The following MED14 variants were observed in gnomAD, a reference collection of about 807,000 sequenced individuals.
MED14 encodes mediator of RNA polymerase II transcription subunit 14.
Under a neutral mutation model 109.0 loss-of-function variants are expected in MED14, and 8 were observed. That is an observed-to-expected ratio of 0.07 (90% confidence interval 0.04 to 0.13). MED14 has a LOEUF of 0.13. Ranked by LOEUF, MED14 falls within the 10% of genes least tolerant of loss-of-function variation. MED14 has a pLI of 1.00. For missense variants in MED14, 711 were observed against 1,142.4 expected, an observed-to-expected ratio of 0.62 and a Z score of 5.44; for synonymous variants, 399 against 408.7, an observed-to-expected ratio of 0.98 and a Z score of 0.29.
intron 15 of MED14, 67 bp from the exon 16 acceptor site, chrX:40,688,597 T>G: frequency 1.4e-6 from 1 of 735,552 alleles, no homozygotes; most frequent in Non-Finnish European, 2.1e-6. Flanking sequence ...TTCTAAGTAC[T>G]ACGGTCTCTA....
chrX:40,707,112 GATAGATA>G (rs1464278918), intron 10 of MED14, among the ~76,000 whole-genome samples: 21 of 79,638 alleles, frequency 2.6e-4, no homozygotes, highest in African/African-American at 1.3e-3. Context: ...TAGATGGATA[GATAGATA>G]GATAGATAGA....
intron 13 of MED14, among the ~76,000 whole-genome samples, chrX:40,695,076 G>A (rs1009799599): frequency 9.0e-6 from 1 of 111,631 alleles, no homozygotes; most frequent in African/African-American, 3.3e-5. Flanking sequence ...GAATGTCAAA[G>A]GTATTATGCT....
Position 40,703,418 on chromosome X carries a change from AATGATT to A in MED14, c.1411+20_1411+25del, listed in dbSNP as rs751807873. Reference sequence around the variant, plus strand: ...GTTAAAAATAATTTTTCTTACATTGAATGATTATATCATTTAGTAACTTACCAAGTC... The same window carrying A: ...GTTAAAAATAATTTTTCTTACATTGAATATCATTTAGTAACTTACCAAGTC... On this transcript the variant is annotated intron_variant, in intron 11 of 30. Transcript: ENST00000324817. 1.8e-6 allele frequency: 2 copies of A among 1,125,118 alleles called. No individual in the cohort carries two copies. Among genetic ancestry groups the A allele is most frequent in the Middle Eastern group, 2.4e-4 (1 of 4,110 alleles). 92.7% of individuals were successfully genotyped at this position (1,125,118 alleles called of 1,213,427 possible).
chrX:40,692,227 C>T lies in MED14; in HGVS notation c.1936G>A (p.Ala646Thr), dbSNP rs370959646. ...AATGGCATATTTGTATCACACATAG[C>T]GACGAAGTGGGCTAAAACTTTATTG... ...AFNKVLAHFV[A>T]MCDTNMPFVG... The change falls in exon 15 of 31, where the codon GCT becomes ACT. Residue 646 changes from alanine (A) to threonine (T), a missense_variant. Physicochemically the swap from Ala to Thr is moderately conservative, Grantham distance 58 (BLOSUM62 0). Coordinates refer to ENST00000324817, the MANE Select transcript of MED14 (RefSeq NM_004229.4). The T allele has an allele frequency of 1.8e-5, 22 of 1,207,122 alleles. No homozygotes were observed. The highest frequency in any genetic ancestry group is 2.3e-4 in the Middle Eastern group (1 of 4,368).
upstream of MED14, chrX:40,736,001 G>A (rs1932260019): frequency 1.7e-5 from 4 of 232,106 alleles, no homozygotes; most frequent in South Asian, 1.2e-4. Flanking sequence ...GCCCCCTGGC[G>A]TTGTAAAGGC....
At chrX:40,670,388 G>T (rs990464028) in intron 23 of MED14, among the ~76,000 whole-genome samples, 1 of 112,871 alleles carries the variant, frequency 8.9e-6, no homozygotes, top group Non-Finnish European at 1.9e-5. Context: ...TCTCCCACCT[G>T]CAGATTAACA....
chrX:40,695,516 A>G (rs1336611781), intron 13 of MED14, among the ~76,000 whole-genome samples: 2 of 112,431 alleles, frequency 1.8e-5, no homozygotes, highest in Non-Finnish European at 3.8e-5. Context: ...TTATTGCTTT[A>G]TAATAGATCA....
chrX:40,676,614 G>GA (rs778364709), intron 21 of MED14, among the ~76,000 whole-genome samples: 1 of 111,878 alleles, frequency 8.9e-6, no homozygotes, highest in South Asian at 3.8e-4. Context: ...GTCCCCACCC[G>GA]AATCTCATCT....
Position 40,659,521 on chromosome X carries a change from G to C in MED14, c.3771C>G (p.Thr1257=), listed in dbSNP as rs1372445888. ...TCACTTTTAGCTGAAGCGTTTGGTT[G>C]GTTTTGGGACTAAGAGCTACTCTGC... ...LKCRVALSPK[T]NQTLQLKVTP... The change falls in exon 27 of 31, where the codon ACC becomes ACG. Residue 1257 remains threonine, a synonymous_variant. Transcript: ENST00000324817. 1 of 1,209,306 alleles carries C rather than the reference G, an allele frequency of 8.3e-7. No homozygotes were observed. Among genetic ancestry groups the C allele is most frequent in the Non-Finnish European group, 1.1e-6 (1 of 894,403 alleles).
chrX:40,664,367 C>T lies in MED14; in HGVS notation c.3388G>A (p.Ala1130Thr). ...PAARMPGMSP[A>T]NPSLHSPVPD... ...ACCGGAGAATGTAGTGAGGGGTTGG[C>T]TGGTGACATTCCAGGCATGCGTGCT... is the stretch of plus-strand genomic sequence containing the variant. Residue 1130 changes from alanine (A) to threonine (T), a missense_variant, in exon 25 of 31, where the codon GCC becomes ACC. Around this residue, in one of 8 missense-constraint regions of MED14, gnomAD observed 100 missense variants for 147.5 expected, o/e 0.68. Transcript: ENST00000324817. 8.3e-7 allele frequency: 1 copy of T among 1,206,387 alleles called. No homozygotes were observed. The highest frequency in any genetic ancestry group is 1.1e-6 in the Non-Finnish European group (1 of 893,403).
chrX:40,676,326 C>T (rs1929908414), intron 21 of MED14, among the ~76,000 whole-genome samples: 1 of 111,842 alleles, frequency 8.9e-6, no homozygotes, highest in Non-Finnish European at 1.9e-5. Flanking sequence ...AGATGATGGG[C>T]TCACAACACA....
chrX:40,726,876 G>C, intron 2 of MED14, 25 bp from the exon 3 acceptor site: 1 of 1,071,144 alleles, frequency 9.3e-7, no homozygotes, highest in Non-Finnish European at 1.3e-6. Context: ...AACTCTTAAT[G>C]AACCAACATA....
Position 40,692,769 on chromosome X carries a change from A to G in MED14, c.1784T>C (p.Ile595Thr). The change falls in exon 14 of 31, where the codon ATT becomes ACT. Residue 595 changes from isoleucine (I) to threonine (T), a missense_variant. This residue lies in a region of MED14 where 388 missense variants were observed against 517.3 expected (regional missense o/e 0.75). Coordinates refer to ENST00000324817, the MANE Select transcript of MED14 (RefSeq NM_004229.4). The stretch of plus-strand genomic sequence containing the variant: ...TTTTGTACGAAAAACCAAGTCCTGA[A>G]TGTTTTCCTTGAACTGCTGCAGCAG... ...ALLLQQFKEN[I>T]QDLVFRTKTG... 8.3e-7 allele frequency: 1 copy of G among 1,209,360 alleles called. No homozygotes were observed. The highest frequency in any genetic ancestry group is 1.1e-6 in the Non-Finnish European group (1 of 895,014).
At position 40,664,043 on chromosome X, in the gene MED14, T is replaced by C. The variant is rs775455515; in HGVS notation, c.3448+264A>G. ...TGATCACCAGTGGCCAGTGATTTAA[T>C]CAATAATGCCTACGTGATGAAACTT... On this transcript the variant is annotated intron_variant, in intron 25 of 30. Transcript: ENST00000324817. Among the ~76,000 whole-genome samples the C allele has an allele frequency of 9.0e-5, 10 of 110,648 alleles. No homozygotes were observed. In the East Asian group the frequency reaches 2.8e-3, roughly 31 times the overall value.
intron 23 of MED14, among the ~76,000 whole-genome samples, chrX:40,668,825 T>G (rs1029219254): frequency 8.9e-6 from 1 of 112,316 alleles, no homozygotes; most frequent in African/African-American, 3.2e-5. Flanking sequence ...ATAAAAGTTA[T>G]GTGAATATGG....
chrX:40,677,983 T>G (rs1307236555), intron 21 of MED14, among the ~76,000 whole-genome samples: 1 of 111,606 alleles, frequency 9.0e-6, no homozygotes, highest in Non-Finnish European at 1.9e-5. Context: ...ATCTAGCCAC[T>G]TCAGTTAGAT....
chrX:40,710,641 T>A (rs145644322), intron 8 of MED14, among the ~76,000 whole-genome samples: 1 of 111,610 alleles, frequency 9.0e-6, no homozygotes, highest in Non-Finnish European at 1.9e-5. Context: ...AATGGTCTTT[T>A]CTAACCTAAC....
In MED14 at chrX:40,711,287, A is replaced by T; in HGVS notation, c.904T>A (p.Ser302Thr). ...GAATGTAACACTTCTAACTGAAGTG[A>T]TAAACAGAAAGAATCTGATAGATGT... ...MYNCLHSFCL[S>T]LQLEVLHSQT... is the part of the protein sequence containing the mutation. Residue 302 changes from serine (S) to threonine (T), a missense_variant, in exon 8 of 31, where the codon TCA becomes ACA. Ser to Thr is a moderately conservative substitution (Grantham distance 58, BLOSUM62 1). This residue lies in a region of MED14 where 388 missense variants were observed against 517.3 expected (regional missense o/e 0.75). Coordinates refer to ENST00000324817, the MANE Select transcript of MED14 (RefSeq NM_004229.4). 1 of 1,193,939 alleles carries T rather than the reference A, an allele frequency of 8.4e-7. No individual in the cohort carries two copies. The highest frequency in any genetic ancestry group is 1.1e-6 in the Non-Finnish European group (1 of 881,116).
chrX:40,714,409 A>AG (rs1931443314), intron 4 of MED14, 128 bp downstream of exon 4: 1 of 686,147 alleles, frequency 1.5e-6, no homozygotes, highest in Non-Finnish European at 2.1e-6. Context: ...TTAGTTACAG[A>AG]GAAAAAAAGC....
Sources: gnomAD v4.1 joint callset for allele counts (sites outside exome capture counted in the v4.1 genomes callset) on GRCh38, gnomAD v4.1.1 for gene constraint, gnomAD v4.1.1 regional missense constraint, MANE v1.5 for transcripts, NCBI Gene and HGNC (gene_info 2026-07-23, HGNC 2026-07-21) for gene names.